The following NUDT17 variants were observed in gnomAD, a reference collection of about 807,000 sequenced individuals.
NUDT17 encodes m7GpppN-mRNA hydrolase NUDT17.
In NUDT17, 38 loss-of-function variants were observed where a neutral mutation model predicts 38.6. The ratio of observed to expected loss-of-function variants is 0.98; its 90% CI spans 0.76 to 1.29. NUDT17 has a LOEUF of 1.29. Among genes scored for constraint, NUDT17 ranks in the 50% most tolerant of loss-of-function variants. The probability of loss-of-function intolerance (pLI) is 0.00; values close to 1 mark genes in which losing one functional copy is unlikely to be tolerated. For synonymous variants in NUDT17, 192 were observed against 167.8 expected, an observed-to-expected ratio of 1.14 and a Z score of -1.11; for missense variants, 462 against 415.2, an observed-to-expected ratio of 1.11 and a Z score of -0.98.
In NUDT17 at chr1:145,846,633, G is replaced by A; in HGVS notation, c.438G>A (p.Glu146=). The A allele has an allele frequency of 6.2e-7, 1 of 1,614,198 alleles. No individual in the cohort carries two copies. Among genetic ancestry groups the A allele is most frequent in the South Asian group, 1.1e-5 (1 of 91,078 alleles). The part of the protein sequence containing the change: ...LDGGLRELWE[E]SGLHLPQGQF... ...GAGGGCTTCGAGAACTTTGGGAGGA[G>A]AGTGGACTACACCTGCCCCAGGGCC... Residue 146 remains glutamate, a synonymous_variant, in exon 4 of 8, where the codon GAG becomes GAA. Coordinates refer to ENST00000334513, the MANE Select transcript of NUDT17 (RefSeq NM_001012758.3).
intron 2 of NUDT17, 48 bp from the exon 3 acceptor site, chr1:145,846,385 C>T: frequency 6.2e-7 from 1 of 1,612,456 alleles, no homozygotes; most frequent in South Asian, 1.1e-5. Flanking sequence ...TGGGGGCTCC[C>T]TGGCCAAGAC....
Position 145,848,837 on chromosome 1 carries a change from G to C in NUDT17, c.*358G>C, listed in dbSNP as rs1652838913. ...TGGCTAAGGCCTTACATCCTCCTCT[G>C]TCATACTGGAGTAGGAGGCAGGGGA... On this transcript the variant is annotated 3_prime_UTR_variant, in exon 8 of 8. Transcript: ENST00000334513. The C allele has an allele frequency of 5.3e-6, 1 of 190,192 alleles. No homozygotes were observed. The highest frequency in any genetic ancestry group is 1.1e-5 in the Non-Finnish European group (1 of 93,462). The allele number at this position is 190,192 out of a possible 1,614,324, so 11.8% of individuals were successfully genotyped here.
At chr1:145,848,026 A>G in intron 6 of NUDT17, 86 bp from the exon 7 acceptor site, 1 of 1,488,050 alleles carries the variant, frequency 6.7e-7, no homozygotes, top group Non-Finnish European at 9.3e-7. Context: ...CTCCTGTGGT[A>G]GTTGGGAGGA....
In NUDT17 at chr1:145,845,836, G is replaced by A. The variant is rs587760158; in HGVS notation, c.192+4G>A. ...CTCCGCTAGGCTTCCGCTCCAGGTC[G>A]GCAGAAGGGGGCCCCAGAGCGGGGG... On this transcript the variant is annotated splice_donor_region_variant and intron_variant, in intron 1 of 7. Coordinates refer to ENST00000334513, the MANE Select transcript of NUDT17 (RefSeq NM_001012758.3). 1.3e-6 allele frequency: 2 copies of A among 1,585,112 alleles called. No individual in the cohort carries two copies. The highest frequency in any genetic ancestry group is 1.3e-5 in the African/African-American group (1 of 74,624).
rs1330476395 is a variant in NUDT17, at chr1:145,845,790, G to T, written c.150G>T (p.Ser50=). Residue 50 remains serine (S), a synonymous_variant, in exon 1 of 8, where the codon TCG becomes TCT. Coordinates refer to ENST00000334513, the MANE Select transcript of NUDT17 (RefSeq NM_001012758.3). Reference sequence around the variant, plus strand: ...TGAAGCGAGGACGGCTTGTCCTCTCGAGCAGGCCCTTCCCAGGCGCCTCCG... The same window carrying T: ...TGAAGCGAGGACGGCTTGTCCTCTCTAGCAGGCCCTTCCCAGGCGCCTCCG... ...CSLKRGRLVL[S]SRPFPGASAR... is the part of the protein sequence containing the mutation. The T allele has an allele frequency of 1.3e-6, 2 of 1,595,838 alleles. No individual in the cohort carries two copies. The highest frequency in any genetic ancestry group is 1.7e-5 in the Admixed American group (1 of 57,344).
chr1:145,845,896 T>G (rs1043991111), intron 1 of NUDT17, 64 bp downstream of exon 1: 9 of 1,534,296 alleles, frequency 5.9e-6, no homozygotes, highest in Middle Eastern at 1.7e-4. Flanking sequence ...TGAAATCGGG[T>G]GGGAACTGGC....
chr1:145,848,039 CG>C, intron 6 of NUDT17, 72 bp from the exon 7 acceptor site: 1 of 1,562,736 alleles, frequency 6.4e-7, no homozygotes, highest in Non-Finnish European at 8.8e-7. Flanking sequence ...TGGGAGGATT[CG>C]GGGACCTAAC....
At position 145,848,767 on chromosome 1, in the gene NUDT17, A is replaced by C; in HGVS notation, c.*288A>C. The stretch of plus-strand genomic sequence containing the variant: ...AACTTAGATATATAAATAGAGAGAG[A>C]CCCAAGCAATAGGCCGGGCCTGACT... On this transcript the variant is annotated 3_prime_UTR_variant, in exon 8 of 8. Transcript: ENST00000334513. 1.7e-5 allele frequency: 5 copies of C among 295,568 alleles called. No individual in the cohort carries two copies. The highest frequency in any genetic ancestry group is 7.1e-5 in the South Asian group (1 of 14,028). The allele number at this position is 295,568 out of a possible 1,614,324, so 18.3% of individuals were successfully genotyped here. A position where few individuals can be genotyped will look rare whatever the true frequency, so the allele number is the denominator to read the frequency against.
chr1:145,846,165 G>T lies in NUDT17; in HGVS notation c.345G>T (p.Leu115=). The part of the protein sequence containing the change: ...TVLLTRRART[L]SVSPNLWVPP... Reference sequence around the variant, plus strand: ...TGCTAACCCGAAGGGCACGCACCCTGAGCGTTTCCCCCAACCTCTGGGTAC... The same window carrying T: ...TGCTAACCCGAAGGGCACGCACCCTTAGCGTTTCCCCCAACCTCTGGGTAC... Residue 115 remains leucine, a synonymous_variant, in exon 2 of 8, where the codon CTG becomes CTT. Transcript: ENST00000334513. The T allele has an allele frequency of 6.3e-7, 1 of 1,594,738 alleles. No individual in the cohort carries two copies. Among genetic ancestry groups the T allele is most frequent in the East Asian group, 2.3e-5 (1 of 43,836 alleles).
At chr1:145,846,337 C>T (rs1652674165) in intron 2 of NUDT17, 96 bp from the exon 3 acceptor site, 4 of 1,509,244 alleles carry the variant, frequency 2.7e-6, no homozygotes, top group Non-Finnish European at 3.7e-6. Context: ...GCAACTCCCT[C>T]TGTGTCCACT....
chr1:145,847,570 T>C lies in NUDT17; in HGVS notation c.595-13T>C. ...AGAGGCAATGACTGAGGGGTCACCA[T>C]GTCTGACCCCAGGCCCGGATCCAAC... is the stretch of plus-strand genomic sequence containing the variant. On this transcript the variant is annotated splice_polypyrimidine_tract_variant and intron_variant, in intron 5 of 7. Coordinates refer to ENST00000334513, the MANE Select transcript of NUDT17 (RefSeq NM_001012758.3). 1 of 1,612,216 alleles carries C rather than the reference T, an allele frequency of 6.2e-7. No individual in the cohort carries two copies. Among genetic ancestry groups the C allele is most frequent in the Non-Finnish European group, 8.5e-7 (1 of 1,179,852 alleles).
chr1:145,846,863 T>C (rs963444758), intron 4 of NUDT17, among the ~76,000 whole-genome samples, 173 bp downstream of exon 4: 1 of 152,216 alleles, frequency 6.6e-6, no homozygotes, highest in Non-Finnish European at 1.5e-5. Context: ...CACCATTTTG[T>C]TTCACCCTAA....
chr1:145,847,686 G>A lies in NUDT17; in HGVS notation c.698G>A (p.Gly233Glu), dbSNP rs1311174553. Residue 233 changes from glycine (G) to glutamate (E), a missense_variant, in exon 6 of 8, where the codon GGA (glycine) becomes GAA (glutamate). Coordinates refer to ENST00000334513, the MANE Select transcript of NUDT17 (RefSeq NM_001012758.3). ...GCAGAGGATGGGACAGAGACACCCGGACTTCTCCCCCAGGACCTACCACCC... is the reference window on the plus strand; with the variant it reads ...GCAGAGGATGGGACAGAGACACCCGAACTTCTCCCCCAGGACCTACCACCC... ...AAAEDGTETP[G>E]LLPQDLPPSV... The A allele has an allele frequency of 3.7e-6, 6 of 1,613,940 alleles. No individual in the cohort carries two copies. The African/African-American group carries it at 8.0e-5, about 22-fold the overall frequency.
intron 6 of NUDT17, 65 bp downstream of exon 6, chr1:145,847,784 C>A (rs1652780065): frequency 6.5e-7 from 1 of 1,535,778 alleles, no homozygotes; most frequent in Non-Finnish European, 9.0e-7. Flanking sequence ...AGTTCAGCGT[C>A]TATCCTGTCC....
At chr1:145,847,755 C>G in intron 6 of NUDT17, 36 bp downstream of exon 6, 3 of 1,604,518 alleles carry the variant, frequency 1.9e-6, no homozygotes, top group Non-Finnish European at 2.6e-6. Context: ...TCTAATACAC[C>G]AACATATTCA....
At chr1:145,848,033 A>G in intron 6 of NUDT17, 79 bp from the exon 7 acceptor site, 1 of 1,528,506 alleles carries the variant, frequency 6.5e-7, no homozygotes, top group Non-Finnish European at 9.0e-7. Context: ...GGTAGTTGGG[A>G]GGATTCGGGG....
chr1:145,848,101 T>C lies in NUDT17; in HGVS notation c.732-11T>C. ...CAAGGCACAGCCCCAACAGGAGTTG[T>C]CACCATGCAGTGCAGTGGAACTAGA... On this transcript the variant is annotated splice_polypyrimidine_tract_variant and intron_variant, in intron 6 of 7. Coordinates refer to ENST00000334513, the MANE Select transcript of NUDT17 (RefSeq NM_001012758.3). 1 of 1,613,008 alleles carries C rather than the reference T, an allele frequency of 6.2e-7. No homozygotes were observed. The highest frequency in any genetic ancestry group is 1.3e-5 in the African/African-American group (1 of 74,992).
intron 6 of NUDT17, 128 bp from the exon 7 acceptor site, chr1:145,847,984 C>A: frequency 9.1e-7 from 1 of 1,096,258 alleles, no homozygotes; most frequent in South Asian, 1.5e-5. Flanking sequence ...GAACCTGTTT[C>A]CTTTCTGCAA....
chr1:145,848,320 T>C, intron 7 of NUDT17, 56 bp downstream of exon 7: 7 of 1,612,782 alleles, frequency 4.3e-6, no homozygotes, highest in Non-Finnish European at 5.9e-6. Context: ...ATGGTCTAGT[T>C]TTTACAGGCA....
Sources: gnomAD v4.1 joint callset for allele counts (sites outside exome capture counted in the v4.1 genomes callset) on GRCh38, gnomAD v4.1.1 for gene constraint, MANE v1.5 for transcripts, NCBI Gene and HGNC (gene_info 2026-07-23, HGNC 2026-07-21) for gene names.